Variants in SOCS2 observed in about 807,000 individuals in gnomAD.
SOCS2 encodes the protein CIS-2.
SOCS2 carries 10 observed loss-of-function variants against 18.6 expected under a neutral mutation model. The ratio of observed to expected loss-of-function variants is 0.54; its 90% CI spans 0.33 to 0.91. The LOEUF (loss-of-function observed/expected upper bound fraction) is 0.91. SOCS2 is among the 40% of genes least tolerant of loss of function. The pLI is 0.02. For missense variants in SOCS2, 231 were observed against 247.2 expected, an observed-to-expected ratio of 0.93 and a Z score of 0.44; for synonymous variants, 104 against 104.0, an observed-to-expected ratio of 1.00 and a Z score of 0.00.
At chr12:93,620,117 TC>T in the SOCS2 span, among the ~76,000 whole-genome samples, 2 of 152,188 alleles carry the variant, frequency 1.3e-5, no homozygotes, top group Non-Finnish European at 2.9e-5. Flanking sequence ...TACTTACCTG[TC>T]TTATATAACT....
At chr12:93,618,045 C>A in the SOCS2 span, among the ~76,000 whole-genome samples, 1 of 152,078 alleles carries the variant, frequency 6.6e-6, no homozygotes, top group Non-Finnish European at 1.5e-5. Flanking sequence ...TAGCACTAAC[C>A]CCCTAGTGCT....
At chr12:93,581,641 C>A (rs73218878), downstream of SOCS2, among the ~76,000 whole-genome samples, 7 of 152,000 alleles carry the variant, frequency 4.6e-5, no homozygotes, top group Non-Finnish European at 1.0e-4. Context: ...CTTCTAGCTT[C>A]GTTCATTTAT....
rs748827758 is a variant in SOCS2, at chr12:93,575,174, G to C, written c.592G>C (p.Val198Leu). 3.9e-5 allele frequency: 60 copies of C among 1,532,452 alleles called. No homozygotes were observed. The highest frequency in any genetic ancestry group is 5.1e-5 in the Non-Finnish European group (58 of 1,144,288). The allele number at this position is 1,532,452 out of a possible 1,614,324, so 94.9% of individuals were successfully genotyped here. ...KDYLEEYKFQ[V>L] ...TTACTTGGAAGAATATAAATTCCAG[G>C]TATAAATGTTTCTCTTTTTTTAAAC... Residue 198 changes from valine (V) to leucine (L), a missense_variant, in exon 2 of 2, where the codon GTA (valine) becomes CTA (leucine). By Grantham distance (32) the Val-to-Leu change is conservative (BLOSUM62 1). Transcript: ENST00000551556.
At chr12:93,593,760 A>G in the SOCS2 span, among the ~76,000 whole-genome samples, 1 of 152,250 alleles carries the variant, frequency 6.6e-6, no homozygotes. Context: ...AAGTCAAGTC[A>G]GAATAAGATC....
chr12:93,578,911 A>ATCTATCCC (rs1954501435), downstream of SOCS2, among the ~76,000 whole-genome samples: 1 of 152,216 alleles, frequency 6.6e-6, no homozygotes, highest in Admixed American at 6.5e-5. Flanking sequence ...AGGCCTGTGG[A>ATCTATCCC]ATACCCTGTG....
In SOCS2 at chr12:93,575,059, A is replaced by G; in HGVS notation, c.477A>G (p.Ser159=). The change falls in exon 2 of 2, where the codon TCA becomes TCG. Residue 159 remains serine (S), a synonymous_variant. Coordinates refer to ENST00000551556, the MANE Select transcript of SOCS2 (RefSeq NM_001270471.2). The part of the protein sequence containing the change: ...HLYLTKPLYT[S]APSLQHLCRL... ...ATCTGACCAAACCGCTCTACACGTC[A>G]GCACCATCTCTGCAGCATCTCTGTA... 1 of 1,614,180 alleles carries G rather than the reference A, an allele frequency of 6.2e-7. No individual in the cohort carries two copies. The highest frequency in any genetic ancestry group is 2.2e-5 in the East Asian group (1 of 44,888).
chr12:93,581,901 T>A (rs1954545674), intron 1 of SOCS2, among the ~76,000 whole-genome samples: 1 of 152,224 alleles, frequency 6.6e-6, no homozygotes, highest in African/African-American at 2.4e-5. Context: ...AACAACCTGA[T>A]GAGGTATGTA....
upstream of SOCS2, chr12:93,572,620 C>A: frequency 1.5e-6 from 1 of 654,384 alleles, no homozygotes; most frequent in Non-Finnish European, 2.8e-6. This position sits in a 1 kb window ranked among gnomAD's most constrained non-coding sequence, Gnocchi z 5.0. Flanking sequence ...GTCTATTTCC[C>A]CACCCCCACC....
At chr12:93,586,778 A>G (rs1954587160), downstream of SOCS2, among the ~76,000 whole-genome samples, 1 of 151,532 alleles carries the variant, frequency 6.6e-6, no homozygotes, top group South Asian at 2.1e-4. Flanking sequence ...TTAGTTATTC[A>G]TTTTTTCAAT....
At chr12:93,591,264 C>CA in the SOCS2 span, among the ~76,000 whole-genome samples, 2,940 of 109,244 alleles carry the variant, frequency 0.027, 124 homozygotes, top group Admixed American at 0.12. Flanking sequence ...AACGAACAAA[C>CA]AAAAAAAAAA....
chr12:93,609,446 T>A, the SOCS2 span, among the ~76,000 whole-genome samples: 2 of 151,824 alleles, frequency 1.3e-5, no homozygotes, highest in African/African-American at 4.8e-5. Flanking sequence ...CTTATTTAGA[T>A]AAAGTATTTT....
intron 1 of SOCS2, chr12:93,573,253 G>T: frequency 1.6e-6 from 1 of 620,518 alleles, no homozygotes; most frequent in Middle Eastern, 2.6e-4. Context: ...CGCAGAGCGC[G>T]GGAAGAGCTT....
chr12:93,572,715 A>C lies in SOCS2; in HGVS notation c.-183A>C. 1.2e-6 allele frequency: 1 copy of C among 828,842 alleles called. No homozygotes were observed. Among genetic ancestry groups the C allele is most frequent in the Non-Finnish European group, 2.0e-6 (1 of 501,776 alleles). 51.3% of individuals were successfully genotyped at this position (828,842 alleles called of 1,614,324 possible). On this transcript the variant is annotated 5_prime_UTR_variant, in exon 1 of 2. Transcript: ENST00000551556. This position sits in a 1 kb window ranked among gnomAD's most constrained non-coding sequence, Gnocchi z 5.0. ...CAGTGGGTGACCGCGGCTGCGAGGG[A>C]CTTTGTCATCCGTCCTCCAGGATCT...
upstream of SOCS2, chr12:93,571,000 G>C (rs956644603): frequency 6.5e-5 from 10 of 153,926 alleles, no homozygotes; most frequent in Non-Finnish European, 1.5e-4. Flanking sequence ...GCGTCGGTCT[G>C]GGAAGTCGCG....
chr12:93,586,176 C>T (rs148412489), downstream of SOCS2, among the ~76,000 whole-genome samples: 77 of 152,224 alleles, frequency 5.1e-4, 1 homozygote, highest in East Asian at 0.013. Flanking sequence ...TCTGAATGAC[C>T]GGAAGTTCTT....
chr12:93,617,066 T>A, the SOCS2 span, among the ~76,000 whole-genome samples: 1 of 152,208 alleles, frequency 6.6e-6, no homozygotes, highest in African/African-American at 2.4e-5. Flanking sequence ...CTGGGCCGTG[T>A]CCATTGATGG....
the SOCS2 span, among the ~76,000 whole-genome samples, chr12:93,616,129 AT>A: frequency 3.3e-5 from 5 of 152,360 alleles, no homozygotes; most frequent in African/African-American, 1.2e-4. Context: ...CAGGATGAGC[AT>A]GAGAACTAGG....
At chr12:93,582,778 A>AT (rs1954557804) in intron 1 of SOCS2, among the ~76,000 whole-genome samples, 1 of 152,086 alleles carries the variant, frequency 6.6e-6, no homozygotes, top group African/African-American at 2.4e-5. Context: ...TTATCTGTAA[A>AT]TTGAAGAGCC....
At chr12:93,614,578 T>C in the SOCS2 span, among the ~76,000 whole-genome samples, 4 of 90,014 alleles carry the variant, frequency 4.4e-5, 1 homozygote, top group African/African-American at 1.6e-4. Context: ...TTTCTTTCTT[T>C]CTTTCTTTCT....
Sources: allele counts gnomAD v4.1 joint callset (sites outside exome capture counted in the v4.1 genomes callset), GRCh38; gene constraint gnomAD v4.1.1; non-coding constraint Gnocchi (gnomAD v3.1); transcripts MANE v1.5; gene names NCBI Gene and HGNC (gene_info 2026-07-23, HGNC 2026-07-21).